The following ITGBL1 variants were observed in gnomAD, a reference collection of about 807,000 sequenced individuals.
ITGBL1 encodes the protein integrin subunit beta like 1.
Under a neutral mutation model 68.5 loss-of-function variants are expected in ITGBL1, and 51 were observed. The ratio of observed to expected loss-of-function variants is 0.74; its 90% CI spans 0.59 to 0.94. ITGBL1 has a LOEUF of 0.94. Ranked by LOEUF, ITGBL1 falls within the 40% of genes least tolerant of loss-of-function variation. The pLI is 0.00. For synonymous variants in ITGBL1, 209 were observed against 227.3 expected (o/e 0.92, Z 0.72); for missense variants, 649 against 647.4 (o/e 1.00, Z -0.03).
intron 2 of ITGBL1, among the ~76,000 whole-genome samples, chr13:101,544,060 G>T (rs1202461125): frequency 6.6e-6 from 1 of 152,190 alleles, no homozygotes; most frequent in African/African-American, 2.4e-5. Flanking sequence ...ACTCATCAAA[G>T]TCATTCTCCA....
At chr13:101,658,190 T>G (rs2032984253) in intron 7 of ITGBL1, among the ~76,000 whole-genome samples, 1 of 152,198 alleles carries the variant, frequency 6.6e-6, no homozygotes, top group Non-Finnish European at 1.5e-5. Context: ...TGGGATAAAG[T>G]TCAACTGCAA....
intron 7 of ITGBL1, among the ~76,000 whole-genome samples, chr13:101,616,689 C>T (rs1490537493): frequency 1.3e-5 from 2 of 152,112 alleles, no homozygotes; most frequent in Non-Finnish European, 2.9e-5. Flanking sequence ...TGGGGTTTCA[C>T]CACATTGGCC....
chr13:101,469,539 T>TGG (rs2048428938), intron 2 of ITGBL1, among the ~76,000 whole-genome samples: 1 of 151,988 alleles, frequency 6.6e-6, no homozygotes, highest in Non-Finnish European at 1.5e-5. Flanking sequence ...AAAAATTAGC[T>TGG]GGGCATGGTG....
intron 7 of ITGBL1, among the ~76,000 whole-genome samples, chr13:101,658,566 A>ATG (rs2032995656): frequency 6.6e-6 from 1 of 152,142 alleles, no homozygotes; most frequent in South Asian, 2.1e-4. Context: ...ATGTGTATGC[A>ATG]TGTATATGCA....
chr13:101,490,505 T>C (rs2139058940), intron 2 of ITGBL1, among the ~76,000 whole-genome samples: 2 of 152,294 alleles, frequency 1.3e-5, no homozygotes, highest in Middle Eastern at 6.8e-3. Context: ...ATTAAAATAA[T>C]ACTACTAACA....
chr13:101,519,415 G>T (rs1019818527), intron 2 of ITGBL1, among the ~76,000 whole-genome samples: 2 of 152,080 alleles, frequency 1.3e-5, no homozygotes, highest in Admixed American at 1.3e-4. Context: ...GTAGTCATAT[G>T]TGGCTATTGG....
At chr13:101,685,498 T>G (rs2033734607) in intron 7 of ITGBL1, among the ~76,000 whole-genome samples, 1 of 152,092 alleles carries the variant, frequency 6.6e-6, no homozygotes, top group Non-Finnish European at 1.5e-5. Context: ...CTTTATTATA[T>G]TGTTTGTCTA....
At chr13:101,608,926 T>A (rs1030666233) in intron 7 of ITGBL1, among the ~76,000 whole-genome samples, 14 of 152,058 alleles carry the variant, frequency 9.2e-5, no homozygotes, top group Non-Finnish European at 4.4e-5. Context: ...TATAAATGAA[T>A]TGGTGAGTTT....
intron 2 of ITGBL1, among the ~76,000 whole-genome samples, chr13:101,484,253 C>G (rs1405233462): frequency 6.6e-6 from 1 of 152,058 alleles, no homozygotes; most frequent in Non-Finnish European, 1.5e-5. Flanking sequence ...ATTTACTTCT[C>G]TAATACCCTA....
chr13:101,705,147 A>G (rs9518498), intron 8 of ITGBL1, among the ~76,000 whole-genome samples: 41,666 of 151,630 alleles, frequency 0.27, 6,526 homozygotes, highest in East Asian at 0.51. Flanking sequence ...CAGGATCCCA[A>G]TTTTCTCCAG....
intron 7 of ITGBL1, among the ~76,000 whole-genome samples, chr13:101,650,142 G>T (rs2139450215): frequency 6.6e-6 from 1 of 152,262 alleles, no homozygotes; most frequent in African/African-American, 2.4e-5. Context: ...TTTCTCATCA[G>T]ATTCTAAAAT....
intron 9 of ITGBL1, among the ~76,000 whole-genome samples, chr13:101,708,140 T>A (rs2034305951): frequency 6.6e-6 from 1 of 152,062 alleles, no homozygotes; most frequent in African/African-American, 2.4e-5. Context: ...CACCTTGATT[T>A]TGATGTTTCT....
intron 3 of ITGBL1, 35 bp from the exon 4 acceptor site, chr13:101,575,389 T>C (rs1447352765): frequency 3.1e-6 from 5 of 1,595,530 alleles, no homozygotes; most frequent in Non-Finnish European, 4.3e-6. Flanking sequence ...TTTATGTGCA[T>C]GTAACAAACA....
At chr13:101,466,509 C>T (rs1399859701) in intron 2 of ITGBL1, among the ~76,000 whole-genome samples, 1 of 152,134 alleles carries the variant, frequency 6.6e-6, no homozygotes, top group Non-Finnish European at 1.5e-5. Flanking sequence ...AATCTGATTC[C>T]TCTTTAATGG....
intron 2 of ITGBL1, among the ~76,000 whole-genome samples, chr13:101,529,377 CA>C (rs1339798254): frequency 1.3e-5 from 2 of 151,888 alleles, no homozygotes; most frequent in African/African-American, 4.8e-5. Flanking sequence ...AACAGCATAC[CA>C]AATGCCACAT....
chr13:101,606,014 GTA>G (rs1486350158), intron 7 of ITGBL1, among the ~76,000 whole-genome samples: 3 of 143,294 alleles, frequency 2.1e-5, no homozygotes, highest in Admixed American at 7.1e-5. Flanking sequence ...ACATATATAT[GTA>G]TATATGTTAT....
At chr13:101,471,194 A>G (rs1247643663) in intron 2 of ITGBL1, among the ~76,000 whole-genome samples, 2 of 152,178 alleles carry the variant, frequency 1.3e-5, no homozygotes, top group Non-Finnish European at 2.9e-5. Context: ...GAGAAAGACT[A>G]TATGGGTTCC....
intron 7 of ITGBL1, among the ~76,000 whole-genome samples, chr13:101,667,733 A>G (rs2033256942): frequency 6.6e-6 from 1 of 152,042 alleles, no homozygotes; most frequent in South Asian, 2.1e-4. Flanking sequence ...TGAAAGCTAT[A>G]AGATCTTTGT....
At chr13:101,550,525 AC>A (rs1566727921) in intron 2 of ITGBL1, among the ~76,000 whole-genome samples, 1 of 152,162 alleles carries the variant, frequency 6.6e-6, no homozygotes, top group Non-Finnish European at 1.5e-5. Flanking sequence ...AAGCCCCTTG[AC>A]GCTGATTCAA....
Sources: gnomAD v4.1 joint callset for allele counts (sites outside exome capture counted in the v4.1 genomes callset) on GRCh38, gnomAD v4.1.1 for gene constraint, MANE v1.5 for transcripts, NCBI Gene and HGNC (gene_info 2026-07-23, HGNC 2026-07-21) for gene names.